EYS: variants seen among roughly 807,000 people sequenced by gnomAD.
The protein encoded by EYS is EGF-like photoreceptor maintenance factor, also known as protein eyes shut homolog.
Under a neutral mutation model 282.1 loss-of-function variants are expected in EYS, and 250 were observed. The ratio of observed to expected loss-of-function variants is 0.89; its 90% CI spans 0.80 to 0.98. EYS has a LOEUF of 0.98. Ranked by LOEUF, EYS falls within the 50% of genes least tolerant of loss-of-function variation. EYS has a pLI of 0.00. For missense variants in EYS, 4,016 were observed against 3,709.0 expected, an observed-to-expected ratio of 1.08 and a Z score of -2.15; for synonymous variants, 1,355 against 1,282.9, an observed-to-expected ratio of 1.06 and a Z score of -1.20.
intron 12 of EYS, among the ~76,000 whole-genome samples, chr6:65,198,153 C>T (rs1765814254): frequency 6.6e-6 from 1 of 152,112 alleles, no homozygotes; most frequent in African/African-American, 2.4e-5. Context: ...GAAACACACA[C>T]ATTAGCTTAG....
intron 22 of EYS, among the ~76,000 whole-genome samples, chr6:64,811,630 G>T (rs963126733): frequency 6.6e-6 from 1 of 152,020 alleles, no homozygotes. Context: ...TTGTTCTCTC[G>T]AGAAAAGATT....
chr6:64,679,683 C>T (rs183974932), intron 22 of EYS, among the ~76,000 whole-genome samples: 7 of 152,274 alleles, frequency 4.6e-5, no homozygotes, highest in Admixed American at 4.6e-4. Flanking sequence ...GCTTTGACAA[C>T]TGAGTGTGTT....
intron 34 of EYS, among the ~76,000 whole-genome samples, chr6:63,985,534 T>C (rs932604337): frequency 2.6e-5 from 4 of 151,672 alleles, no homozygotes; most frequent in African/African-American, 9.7e-5. Context: ...AAATGGTGCT[T>C]GGAATGTTGA....
chr6:64,038,462 A>G (rs894658499), intron 33 of EYS, among the ~76,000 whole-genome samples: 12 of 152,108 alleles, frequency 7.9e-5, no homozygotes, highest in African/African-American at 2.7e-4. Context: ...AAAATAAACA[A>G]TACATTAAAA....
intron 33 of EYS, among the ~76,000 whole-genome samples, chr6:64,001,882 G>A (rs548802624): frequency 1.3e-5 from 2 of 152,362 alleles, no homozygotes; most frequent in South Asian, 2.1e-4. Context: ...AGGCAGGGAA[G>A]TGCTGGGTAG....
intron 31 of EYS, among the ~76,000 whole-genome samples, chr6:64,152,782 G>C (rs149182718): frequency 5.3e-5 from 8 of 152,154 alleles, no homozygotes; most frequent in East Asian, 1.9e-4. Context: ...TGACTAAAAA[G>C]TTTCAAATCA....
In EYS at chr6:65,666,455, A is replaced by G. The variant is rs188986556; in HGVS notation, c.-447-26563T>C. ...TCTCAGTTTTAAAATGGGGATAATT[A>G]TACATATGCTTTACATAGCATATTT... On this transcript the variant is annotated intron_variant, in intron 1 of 42. Transcript: ENST00000503581. 3.0e-3 allele frequency among the ~76,000 whole-genome samples: 452 copies of G among 152,008 alleles called. 3 individuals are homozygous for G. Among genetic ancestry groups the G allele is most frequent in the African/African-American group, 0.01 (433 of 41,552 alleles).
At chr6:64,745,759 C>G (rs768889348) in intron 22 of EYS, among the ~76,000 whole-genome samples, 20 of 152,208 alleles carry the variant, frequency 1.3e-4, no homozygotes, top group Middle Eastern at 3.4e-3. Context: ...TATAAAGGTT[C>G]TCCATTGGCA....
At chr6:64,079,115 T>C (rs1303229660) in intron 32 of EYS, among the ~76,000 whole-genome samples, 2 of 152,266 alleles carry the variant, frequency 1.3e-5, no homozygotes, top group East Asian at 3.9e-4. Context: ...GTTTTTCTTT[T>C]GTTTACTCTG....
At chr6:63,961,969 TC>T (rs1766086117) in intron 35 of EYS, among the ~76,000 whole-genome samples, 1 of 152,192 alleles carries the variant, frequency 6.6e-6, no homozygotes, top group South Asian at 2.1e-4. Context: ...TCTACAACTA[TC>T]TGATCTTTGA....
In EYS at chr6:65,503,266, TG is replaced by T. The variant is rs370738531; in HGVS notation, c.-332-7274del. The stretch of plus-strand genomic sequence containing the variant: ...ATGTTTATTTACCATCTGTATATTT[TG>T]GGGGTTGAATTGTCTATTCAGATCT... On this transcript the variant is annotated intron_variant, in intron 2 of 42. Coordinates refer to ENST00000503581, the MANE Select transcript of EYS (RefSeq NM_001142800.2). Among the ~76,000 whole-genome samples the T allele has an allele frequency of 3.8e-3, 577 of 151,766 alleles. 10 individuals carry two copies. Among genetic ancestry groups the T allele is most frequent in the African/African-American group, 0.013 (532 of 41,512 alleles).
At chr6:64,588,618 A>G (rs184634979) in intron 26 of EYS, among the ~76,000 whole-genome samples, 3 of 151,946 alleles carry the variant, frequency 2.0e-5, no homozygotes, top group South Asian at 2.1e-4. Context: ...TTTAGGCCCA[A>G]TGCTGGTTTT....
intron 35 of EYS, among the ~76,000 whole-genome samples, chr6:63,921,870 C>G (rs1328479149): frequency 6.6e-6 from 1 of 152,072 alleles, no homozygotes; most frequent in Admixed American, 6.5e-5. Context: ...AAGATTTTAC[C>G]AAAGACAAAA....
At chr6:63,728,040 A>G (rs1186123672) in intron 41 of EYS, among the ~76,000 whole-genome samples, 1 of 152,016 alleles carries the variant, frequency 6.6e-6, no homozygotes, top group African/African-American at 2.4e-5. Flanking sequence ...TCTGGTTAAA[A>G]TTTTAAGAAC....
At chr6:64,149,435 G>A (rs1774628511) in intron 31 of EYS, among the ~76,000 whole-genome samples, 1 of 152,188 alleles carries the variant, frequency 6.6e-6, no homozygotes, top group Admixed American at 6.5e-5. Context: ...AGAGCCCATG[G>A]TGGTCAAGTG....
intron 31 of EYS, among the ~76,000 whole-genome samples, chr6:64,188,268 T>C (rs1257992200): frequency 6.6e-6 from 1 of 152,030 alleles, no homozygotes; most frequent in Non-Finnish European, 1.5e-5. Flanking sequence ...TGGTTTTAGC[T>C]CAAAGAAAAT....
At chr6:64,197,857 G>A (rs1191393484) in intron 31 of EYS, among the ~76,000 whole-genome samples, 1 of 150,874 alleles carries the variant, frequency 6.6e-6, no homozygotes, top group Non-Finnish European at 1.5e-5. Context: ...AACATCTTAC[G>A]GCTGGGCTTT....
In EYS at chr6:65,091,070, AC is replaced by A. The variant is rs559704641; in HGVS notation, c.2024-33344del. ...GCATTTTTTAGAGTATAAGAAATAA[AC>A]ACTAATTGTTAAATTATATTTGTTC... On this transcript the variant is annotated intron_variant, in intron 12 of 42. Coordinates refer to ENST00000503581, the MANE Select transcript of EYS (RefSeq NM_001142800.2). Among the ~76,000 whole-genome samples the A allele has an allele frequency of 2.6e-4, 39 of 152,142 alleles. 1 individual carries two copies. Among genetic ancestry groups the A allele is most frequent in the Non-Finnish European group, 4.1e-4 (28 of 67,994 alleles).
chr6:64,057,509 T>C (rs964805821), intron 33 of EYS, among the ~76,000 whole-genome samples: 13 of 152,160 alleles, frequency 8.5e-5, no homozygotes, highest in African/African-American at 2.9e-4. Context: ...TTTGGAATTA[T>C]GCATTTCCAA....
Sources: gnomAD v4.1 joint callset for allele counts (sites outside exome capture counted in the v4.1 genomes callset) on GRCh38, gnomAD v4.1.1 for gene constraint, MANE v1.5 for transcripts, NCBI Gene and HGNC (gene_info 2026-07-23, HGNC 2026-07-21) for gene names.